Variants in SH2B1 observed in about 807,000 individuals in gnomAD.
SH2B1 encodes SH2B adaptor protein 1, also known as SH2B adapter protein 1.
A neutral mutation model predicts 62.6 loss-of-function variants in SH2B1; 15 were observed. The observed-to-expected ratio is 0.24, with a 90% CI of 0.16 to 0.37. The LOEUF (loss-of-function observed/expected upper bound fraction) is 0.37, where lower values mean the gene tolerates loss of function less well. SH2B1 is among the 10% of genes least tolerant of loss of function. The pLI is 1.00. For missense variants in SH2B1, 925 were observed against 1,015.6 expected (o/e 0.91, Z 1.21); for synonymous variants, 443 against 438.0 (o/e 1.01, Z -0.14).
At chr16:28,863,366 C>G, upstream of SH2B1, 1 of 297,640 alleles carries the variant, frequency 3.4e-6, no homozygotes, top group South Asian at 5.1e-5. Flanking sequence ...GCTCCGCCTC[C>G]CCGCAGGGCC....
rs200470848 is a variant in SH2B1, at chr16:28,873,442, T to C, written c.1898-5T>C. The C allele has an allele frequency of 3.0e-3, 4,655 of 1,570,686 alleles. 46 individuals are homozygous for C. Among genetic ancestry groups the C allele is most frequent in the South Asian group, 0.021 (1,844 of 86,728 alleles). On this transcript the variant is annotated splice_polypyrimidine_tract_variant and splice_region_variant and intron_variant, in intron 7 of 7. Transcript: ENST00000684370. This position sits in a 1 kb window ranked among gnomAD's most constrained non-coding sequence, Gnocchi z 4.2. ...TCAGTCTGTTTTCTTACCATTCCTA[T>C]CCAGAACCGACCACCTCCCATGACC...
chr16:28,853,722 G>A (rs1962259390), intron 1 of SH2B1, among the ~76,000 whole-genome samples: 1 of 151,446 alleles, frequency 6.6e-6, no homozygotes, highest in Non-Finnish European at 1.5e-5. Flanking sequence ...CCTCGAAGCT[G>A]GGTGCGGTGG....
Position 28,865,993 on chromosome 16 carries a change from C to T in SH2B1, c.-102C>T. ...CCTCAGCAGTGACCCTCGTGTGTGCCTCTCTCTTCCTTTCGCAGCTGCTGC... is the reference window on the plus strand; with the variant it reads ...CCTCAGCAGTGACCCTCGTGTGTGCTTCTCTCTTCCTTTCGCAGCTGCTGC... On this transcript the variant is annotated 5_prime_UTR_variant, in exon 1 of 8. Transcript: ENST00000684370. 1 of 1,496,344 alleles carries T rather than the reference C, an allele frequency of 6.7e-7. No homozygotes were observed. The highest frequency in any genetic ancestry group is 8.8e-7 in the Non-Finnish European group (1 of 1,132,090). 92.7% of individuals were successfully genotyped at this position (1,496,344 alleles called of 1,614,324 possible).
chr16:28,869,351 G>A lies in SH2B1; in HGVS notation c.1277G>A (p.Gly426Glu). Residue 426 changes from glycine to glutamate, a missense_variant, in exon 4 of 8, where the codon GGA becomes GAA. Gly to Glu is a moderately conservative substitution (Grantham distance 98). This residue lies in a region of SH2B1 where 683 missense variants were observed against 704.0 expected (regional missense o/e 0.97). Transcript: ENST00000684370. Reference sequence around the variant, plus strand: ...CTACCCAGCCAGGACCTGCTGCTTGGACCCAGCGAGAGCAATGACCGCCTG... The same window carrying A: ...CTACCCAGCCAGGACCTGCTGCTTGAACCCAGCGAGAGCAATGACCGCCTG... ...ESLPSQDLLL[G>E]PSESNDRLSQ... The A allele has an allele frequency of 1.9e-6, 3 of 1,613,982 alleles. No individual in the cohort carries two copies. Among genetic ancestry groups the A allele is most frequent in the Non-Finnish European group, 2.5e-6 (3 of 1,180,006 alleles).
Position 28,869,053 on chromosome 16 carries a change from T to C in SH2B1, c.1089T>C (p.His363=). The change falls in exon 3 of 8, where the codon CAT becomes CAC. Residue 363 remains histidine (H), a synonymous_variant. Transcript: ENST00000684370. ...TCATGGAGACAGTGGATGCCCAGCA[T>C]GTGAAGGCCTGGGTGTCTGACATCC... ...EYIMETVDAQ[H]VKAWVSDIQE... 1 of 1,614,108 alleles carries C rather than the reference T, an allele frequency of 6.2e-7. No homozygotes were observed. The highest frequency in any genetic ancestry group is 1.7e-5 in the Admixed American group (1 of 60,002).
rs534972889 is a variant in SH2B1 at position 28,866,461 on chromosome 16, T to A, written c.367T>A (p.Ser123Thr). ...TGGGCCCCTGGCTGTGCTGGGCCCT[T>A]CTCGATCATCTGAGGACCTGGCCGG... is the stretch of plus-strand genomic sequence containing the variant. Reference protein sequence around the residue: ...VGGPLAVLGPSRSSEDLAGPL... With the variant: ...VGGPLAVLGPTRSSEDLAGPL... Residue 123 changes from serine to threonine, a missense_variant, in exon 1 of 8, where the codon TCT becomes ACT. Transcript: ENST00000684370. This position sits in a 1 kb window ranked among gnomAD's most constrained non-coding sequence, Gnocchi z 6.3. 1.2e-6 allele frequency: 2 copies of A among 1,613,924 alleles called. No homozygotes were observed. Among genetic ancestry groups the A allele is most frequent in the South Asian group, 2.2e-5 (2 of 91,080 alleles).
chr16:28,863,019 C>A (rs889952511), upstream of SH2B1: 1 of 151,996 alleles, frequency 6.6e-6, no homozygotes, highest in Non-Finnish European at 1.5e-5. Flanking sequence ...CAATCTCTGC[C>A]TTCCGGATTC....
chr16:28,850,807 C>T lies in SH2B1; in HGVS notation c.-301+3980C>T, dbSNP rs1334720030. On this transcript the variant is annotated intron_variant, in intron 1 of 10. Transcript: ENST00000322610. ...CCAGGAGGCAGAGGTTGCAGTGAGC[C>T]GAGAGTGCGCCACTGCACTCCAGCC... Among the ~76,000 whole-genome samples the T allele has an allele frequency of 2.9e-5, 4 of 135,942 alleles. No individual in the cohort carries two copies. In the Admixed American group the frequency reaches 3.1e-4, roughly 10 times the overall value. 89.2% of individuals were successfully genotyped at this position (135,942 alleles called of 152,430 possible).
At chr16:28,861,757 G>A (rs1015533135), upstream of SH2B1, 1 of 152,236 alleles carries the variant, frequency 6.6e-6, no homozygotes, top group East Asian at 1.9e-4. Flanking sequence ...GGTGAGTCAG[G>A]ATTTATCCGT....
At chr16:28,855,843 G>T (rs1373367920) in intron 1 of SH2B1, among the ~76,000 whole-genome samples, 1 of 122,196 alleles carries the variant, frequency 8.2e-6, no homozygotes, top group African/African-American at 3.1e-5. Flanking sequence ...TTTTAGTAGA[G>T]ATGGGGTTTC....
Position 28,865,035 on chromosome 16 carries a change from G to C in SH2B1, c.-1060G>C. 1.1e-6 allele frequency: 1 copy of C among 948,792 alleles called. No individual in the cohort carries two copies. 58.8% of individuals were successfully genotyped at this position (948,792 alleles called of 1,614,324 possible). A position where few individuals can be genotyped will look rare whatever the true frequency, so the allele number is the denominator to read the frequency against. On this transcript the variant is annotated 5_prime_UTR_variant, in exon 1 of 8. Transcript: ENST00000684370. The stretch of plus-strand genomic sequence containing the variant: ...GGTGGCTGGACTGGGTGCTCATAAG[G>C]TGGTTTGAGCCCTGGTCTGACTCAA...
Position 28,852,567 on chromosome 16 carries a change from T to TAC in SH2B1, c.-301+5744_-301+5745dup, listed in dbSNP as rs1276265494. On this transcript the variant is annotated intron_variant, in intron 1 of 10. Transcript: ENST00000322610. Reference sequence around the variant, plus strand: ...ATATATATACACATATTTATATATATACACATATATATTTATATATATACA... The same window carrying TAC: ...ATATATATACACATATTTATATATATACACACATATATATTTATATATATACA... Among the ~76,000 whole-genome samples, 6 of 37,436 alleles carry TAC rather than the reference T, an allele frequency of 1.6e-4. 3 individuals are homozygous for TAC. Among genetic ancestry groups the TAC allele is most frequent in the Non-Finnish European group, 2.5e-4 (6 of 24,270 alleles). 24.6% of individuals were successfully genotyped at this position (37,436 alleles called of 152,430 possible). A position where few individuals can be genotyped will look rare whatever the true frequency, so the allele number is the denominator to read the frequency against.
At chr16:28,869,726 T>C (rs1007256287) in intron 4 of SH2B1, among the ~76,000 whole-genome samples, 1 of 152,228 alleles carries the variant, frequency 6.6e-6, no homozygotes, top group African/African-American at 2.4e-5. Context: ...CTTTGTTTTG[T>C]TCTTACTCTG....
At chr16:28,847,313 C>T (rs1961998325) in intron 1 of SH2B1, among the ~76,000 whole-genome samples, 1 of 152,170 alleles carries the variant, frequency 6.6e-6, no homozygotes, top group South Asian at 2.1e-4. Flanking sequence ...ACTTTCACAT[C>T]CATCATCTCA....
intron 1 of SH2B1, among the ~76,000 whole-genome samples, chr16:28,857,842 C>A (rs1014295296): frequency 7.9e-5 from 12 of 151,994 alleles, no homozygotes. Context: ...TGGGTTCACG[C>A]CATTCTCCTG....
chr16:28,868,149 A>T (rs182869451), intron 2 of SH2B1, among the ~76,000 whole-genome samples: 1,728 of 126,954 alleles, frequency 0.014, 26 homozygotes, highest in African/African-American at 0.048. Context: ...TTATTTATTT[A>T]TTTTTTTTGA....
At position 28,865,698 on chromosome 16, in the gene SH2B1, G is replaced by A. The variant is rs1962646151; in HGVS notation, c.-397G>A. On this transcript the variant is annotated 5_prime_UTR_variant, in exon 1 of 8. It removes the in-frame stop codon of an upstream open reading frame in the 5' UTR. Transcript: ENST00000684370. The stretch of plus-strand genomic sequence containing the variant: ...CATGAATATTGGAGGATCCGATGTA[G>A]AGGGGGGGTGATCTGGAAAAGTTCC... The A allele has an allele frequency of 4.9e-6, 5 of 1,013,974 alleles. No homozygotes were observed. Among genetic ancestry groups the A allele is most frequent in the Non-Finnish European group, 4.7e-6 (4 of 849,584 alleles). 62.8% of individuals were successfully genotyped at this position (1,013,974 alleles called of 1,614,324 possible).
At position 28,869,274 on chromosome 16, in the gene SH2B1, A is replaced by G; in HGVS notation, c.1200A>G (p.Thr400=). 6.2e-7 allele frequency: 1 copy of G among 1,613,954 alleles called. No individual in the cohort carries two copies. The highest frequency in any genetic ancestry group is 2.2e-5 in the East Asian group (1 of 44,868). The part of the protein sequence containing the change: ...LPLAPGTSFL[T]RENTDSLELS... ...TGGCCCCTGGGACCTCATTCCTTAC[A>G]AGGGAGAACACAGACAGCCTGGAGC... Residue 400 remains threonine, a synonymous_variant, in exon 4 of 8, where the codon ACA becomes ACG. Coordinates refer to ENST00000684370, the MANE Select transcript of SH2B1 (RefSeq NM_001387430.1).
chr16:28,873,907 CTCCCCCATGCT>C lies in SH2B1; in HGVS notation c.*91_*101del. ...GTAGGGACAGAGGAGGCCGAAATCC[CTCCCCCATGCT>C]TCCTGACCCTTGTTGGCCAAGGGCA... On this transcript the variant is annotated 3_prime_UTR_variant, in exon 8 of 8. Coordinates refer to ENST00000684370, the MANE Select transcript of SH2B1 (RefSeq NM_001387430.1). This position sits in a 1 kb window ranked among gnomAD's most constrained non-coding sequence, Gnocchi z 4.2. 7.9e-7 allele frequency: 1 copy of C among 1,267,714 alleles called. No individual in the cohort carries two copies. The highest frequency in any genetic ancestry group is 1.0e-6 in the Non-Finnish European group (1 of 988,234). 78.5% of individuals were successfully genotyped at this position (1,267,714 alleles called of 1,614,324 possible).
Sources: allele counts gnomAD v4.1 joint callset (sites outside exome capture counted in the v4.1 genomes callset), GRCh38; gene constraint gnomAD v4.1.1; regional missense constraint gnomAD v4.1.1; non-coding constraint Gnocchi (gnomAD v3.1); transcripts MANE v1.5; gene names NCBI Gene and HGNC (gene_info 2026-07-23, HGNC 2026-07-21).